PAK3: variants seen among roughly 807,000 people sequenced by gnomAD.
The protein encoded by PAK3 is serine/threonine-protein kinase PAK 3.
Under a neutral mutation model 41.0 loss-of-function variants are expected in PAK3, and 4 were observed. The observed-to-expected ratio is 0.10, with a 90% CI of 0.05 to 0.22. PAK3 has a LOEUF of 0.22. Ranked by LOEUF, PAK3 falls within the 10% of genes least tolerant of loss-of-function variation. The pLI is 1.00. For synonymous variants in PAK3, 146 were observed against 139.6 expected (o/e 1.05, Z -0.32); for missense variants, 205 against 409.9 (o/e 0.50, Z 4.32).
At chrX:110,998,156 T>C (rs2091776113) in intron 1 of PAK3, among the ~76,000 whole-genome samples, 1 of 111,581 alleles carries the variant, frequency 9.0e-6, no homozygotes, top group African/African-American at 3.3e-5. Flanking sequence ...GTCAGAACTT[T>C]GGGAGTCATA....
intron 6 of PAK3, among the ~76,000 whole-genome samples, chrX:111,145,164 G>A (rs2093927066): frequency 8.9e-6 from 1 of 111,974 alleles, no homozygotes; most frequent in East Asian, 2.8e-4. Flanking sequence ...ATGGCTTTAT[G>A]ACTATGTGCC....
chrX:111,216,653 G>A lies in PAK3; in HGVS notation c.1545+95G>A, dbSNP rs141766450. 0.024 allele frequency: 17,556 copies of A among 746,727 alleles called. 1,308 individuals carry two copies. In the African/African-American group the frequency reaches 0.26, roughly 11 times the overall value. 61.5% of individuals were successfully genotyped at this position (746,727 alleles called of 1,213,427 possible). A position where few individuals can be genotyped will look rare whatever the true frequency, so the allele number is the denominator to read the frequency against. On this transcript the variant is annotated intron_variant, in intron 17 of 17. Transcript: ENST00000372007. ...AGAGCTCTGTCAAGAGATGTCTAGA[G>A]TTAGGCTATTACCATTTTATTTTAG...
intron 1 of PAK3, among the ~76,000 whole-genome samples, chrX:110,992,081 C>A (rs913910166): frequency 3.6e-5 from 4 of 110,832 alleles, no homozygotes; most frequent in Admixed American, 1.9e-4. Context: ...GTGAACCCTG[C>A]AGAGCCTATA....
At chrX:111,078,343 A>G (rs768896675) in intron 1 of PAK3, among the ~76,000 whole-genome samples, 2 of 109,654 alleles carry the variant, frequency 1.8e-5, no homozygotes, top group South Asian at 4.0e-4. Context: ...TCATTTTCCA[A>G]CAGCATCTTC....
intron 16 of PAK3, among the ~76,000 whole-genome samples, chrX:111,211,462 G>T (rs1197080745): frequency 9.1e-6 from 1 of 110,186 alleles, no homozygotes; most frequent in African/African-American, 3.3e-5. Flanking sequence ...TGGATCATGA[G>T]GTCAGGAGAT....
intron 8 of PAK3, 143 bp downstream of exon 8, chrX:111,152,590 A>G (rs1364524231): frequency 2.2e-6 from 1 of 456,060 alleles, no homozygotes; most frequent in Admixed American, 3.4e-5. Flanking sequence ...AAATTCACCT[A>G]TTTTCAGGTA....
chrX:111,095,017 T>TA (rs2092962276), upstream of PAK3, among the ~76,000 whole-genome samples: 1 of 111,327 alleles, frequency 9.0e-6, no homozygotes, highest in South Asian at 3.8e-4. Context: ...CGACTTTTAC[T>TA]AAAAGGACCT....
intron 10 of PAK3, chrX:111,169,259 CT>C (rs898074405): frequency 1.2e-5 from 3 of 247,027 alleles, no homozygotes; most frequent in African/African-American, 8.9e-5. Context: ...ATGCAGATGA[CT>C]GTTTAGTACA....
chrX:111,118,236 T>C (rs902543409), intron 4 of PAK3, among the ~76,000 whole-genome samples: 1 of 111,809 alleles, frequency 8.9e-6, no homozygotes, highest in African/African-American at 3.3e-5. Flanking sequence ...ATAAGTGAGG[T>C]GGTTGGTTCT....
intron 11 of PAK3, 110 bp downstream of exon 11, chrX:111,173,191 G>T: frequency 2.0e-6 from 1 of 497,935 alleles, no homozygotes; most frequent in South Asian, 2.9e-5. Flanking sequence ...TCATTTCCTA[G>T]ATTATATTTA....
rs1204950485 is a variant in PAK3 at position 110,991,465 on chromosome X, C to T, written c.-28+46837C>T. ...GTCGAGTCACATCACTTCCTCGTTT[C>T]TCGGTTTCCTGGTCTTTAAAATGGG... is the stretch of plus-strand genomic sequence containing the variant. On this transcript the variant is annotated intron_variant, in intron 1 of 14. Coordinates refer to the PAK3 transcript ENST00000425146. 3.6e-5 allele frequency among the ~76,000 whole-genome samples: 4 copies of T among 111,473 alleles called. No individual in the cohort carries two copies. In the East Asian group the frequency reaches 8.5e-4, roughly 24 times the overall value.
upstream of PAK3, among the ~76,000 whole-genome samples, chrX:111,093,538 T>C (rs952634386): frequency 6.2e-5 from 7 of 112,341 alleles, no homozygotes; most frequent in Middle Eastern, 4.6e-3. Flanking sequence ...AGATCTCCCA[T>C]GCAGTTGCCC....
chrX:111,134,907 G>A (rs1194470306), intron 5 of PAK3, among the ~76,000 whole-genome samples: 8 of 111,640 alleles, frequency 7.2e-5, no homozygotes, highest in Non-Finnish European at 1.1e-4. Flanking sequence ...GAGTGGGAGA[G>A]GGGTAGAGAA....
intron 1 of PAK3, among the ~76,000 whole-genome samples, chrX:111,022,286 G>T (rs929271047): frequency 6.3e-5 from 7 of 111,506 alleles, no homozygotes; most frequent in Non-Finnish European, 1.1e-4. Flanking sequence ...CAAAAGCATC[G>T]GGTAACTTAC....
intron 3 of PAK3, among the ~76,000 whole-genome samples, chrX:111,102,638 C>T (rs372345937): frequency 1.8e-5 from 2 of 112,516 alleles, no homozygotes; most frequent in Non-Finnish European, 3.8e-5. Flanking sequence ...ACAGAGCCAA[C>T]CTTCATTGGC....
chrX:111,220,397 A>G lies in PAK3; in HGVS notation c.1585A>G (p.Thr529Ala). The change falls in exon 18 of 18, where the codon ACT becomes GCT. Residue 529 changes from threonine (T) to alanine (A), a missense_variant. Transcript: ENST00000372007. Reference sequence around the variant, plus strand: ...ATTAGCCAAGCCTCTCTCCAGCCTGACTCCTCTGATTATCGCTGCAAAGGA... The same window carrying G: ...ATTAGCCAAGCCTCTCTCCAGCCTGGCTCCTCTGATTATCGCTGCAAAGGA... ...LKLAKPLSSL[T>A]PLIIAAKEAI... 1.7e-6 allele frequency: 2 copies of G among 1,204,080 alleles called. No individual in the cohort carries two copies.
intron 1 of PAK3, among the ~76,000 whole-genome samples, chrX:111,069,537 A>G (rs2092726346): frequency 9.0e-6 from 1 of 110,909 alleles, no homozygotes; most frequent in Non-Finnish European, 1.9e-5. Flanking sequence ...AATACAAAAT[A>G]TGTATTTGTC....
At position 111,104,500 on chromosome X, in the gene PAK3, G is replaced by T. The variant is rs199783727; in HGVS notation, c.-28+1194G>T. Reference sequence around the variant, plus strand: ...CCAGAGTTTCAGCCATGGAATTGAAGGTATGAAATTACAGCCTTGTTGATA... The same window carrying T: ...CCAGAGTTTCAGCCATGGAATTGAATGTATGAAATTACAGCCTTGTTGATA... On this transcript the variant is annotated intron_variant, in intron 4 of 17. Transcript: ENST00000372007. Among the ~76,000 whole-genome samples the T allele has an allele frequency of 3.6e-5, 4 of 111,398 alleles. No homozygotes were observed. The East Asian group carries it at 1.1e-3, about 31-fold the overall frequency.
intron 1 of PAK3, among the ~76,000 whole-genome samples, chrX:110,962,959 CT>C (rs1421593840): frequency 1.3e-4 from 14 of 111,618 alleles, no homozygotes; most frequent in African/African-American, 4.6e-4. Flanking sequence ...CCTCTCACAG[CT>C]TGATGTGACC....
Sources: gnomAD v4.1 joint callset for allele counts (sites outside exome capture counted in the v4.1 genomes callset) on GRCh38, gnomAD v4.1.1 for gene constraint, MANE v1.5 for transcripts, NCBI Gene and HGNC (gene_info 2026-07-23, HGNC 2026-07-21) for gene names.